The following PXYLP1 variants were observed in gnomAD, a reference collection of about 807,000 sequenced individuals.
PXYLP1 encodes 2-phosphoxylose phosphatase 1, also known as acid phosphatase-like 2.
In PXYLP1, 17 loss-of-function variants were observed where a neutral mutation model predicts 37.9. The ratio of observed to expected loss-of-function variants is 0.45; its 90% CI spans 0.31 to 0.67. The LOEUF (loss-of-function observed/expected upper bound fraction) is 0.67. Ranked by LOEUF, PXYLP1 falls within the 30% of genes least tolerant of loss-of-function variation. The pLI, the probability that PXYLP1 is intolerant of heterozygous loss-of-function variation, is 0.07. For synonymous variants in PXYLP1, 221 were observed against 232.2 expected (o/e 0.95, Z 0.44); for missense variants, 511 against 612.0 (o/e 0.84, Z 1.74).
intron 1 of PXYLP1, chr3:141,258,661 C>T (rs1421289458): frequency 1.2e-5 from 2 of 164,784 alleles, no homozygotes; most frequent in Admixed American, 5.9e-5. Context: ...CCCATACCGT[C>T]ATGCGCGGCT....
chr3:141,287,921 A>G (rs915678246), intron 5 of PXYLP1, among the ~76,000 whole-genome samples: 1 of 152,240 alleles, frequency 6.6e-6, no homozygotes, highest in African/African-American at 2.4e-5. Flanking sequence ...TGGATGGGCA[A>G]TTGATCATTT....
chr3:141,247,057 C>G (rs1940977043), intron 1 of PXYLP1, among the ~76,000 whole-genome samples: 2 of 152,256 alleles, frequency 1.3e-5, no homozygotes, highest in Non-Finnish European at 2.9e-5. Context: ...CAGGCAGCTC[C>G]AAGAGTAACA....
intron 2 of PXYLP1, chr3:141,273,838 A>G: frequency 1.0e-6 from 1 of 985,370 alleles, no homozygotes; most frequent in Non-Finnish European, 1.2e-6. Context: ...CCGTTGGTAC[A>G]GAGTTAATCA....
chr3:141,258,740 T>C (rs1431502216), intron 1 of PXYLP1: 1 of 159,484 alleles, frequency 6.3e-6, no homozygotes, highest in Non-Finnish European at 1.4e-5. Flanking sequence ...ATGTACCTGT[T>C]ACCACATTCA....
chr3:141,258,265 C>T (rs1331964526), intron 1 of PXYLP1, among the ~76,000 whole-genome samples: 1 of 152,126 alleles, frequency 6.6e-6, no homozygotes, highest in Admixed American at 6.5e-5. Context: ...AAGATTTGCA[C>T]CAGAGCTGCA....
chr3:141,273,327 C>G (rs1941714279), intron 2 of PXYLP1: 2 of 985,312 alleles, frequency 2.0e-6, no homozygotes, highest in African/African-American at 3.5e-5. Context: ...CCTTAGGTAA[C>G]TCCCTTGACC....
intron 4 of PXYLP1, among the ~76,000 whole-genome samples, chr3:141,283,677 T>G (rs1360274749): frequency 6.6e-6 from 1 of 152,092 alleles, no homozygotes; most frequent in African/African-American, 2.4e-5. Flanking sequence ...TGGCATGAAC[T>G]TTAAAAATCT....
At chr3:141,267,066 G>A (rs1244117058) in intron 2 of PXYLP1, among the ~76,000 whole-genome samples, 1 of 152,122 alleles carries the variant, frequency 6.6e-6, no homozygotes, top group East Asian at 1.9e-4. Flanking sequence ...CCTGAGATCT[G>A]TAGTATATGG....
chr3:141,271,622 C>G (rs77947787), intron 2 of PXYLP1, among the ~76,000 whole-genome samples: 2,538 of 152,268 alleles, frequency 0.017, 73 homozygotes, highest in East Asian at 0.11. Flanking sequence ...TCCCTGATAC[C>G]CAACTGTAAT....
At chr3:141,261,908 G>A (rs980850248) in intron 2 of PXYLP1, 2 of 152,232 alleles carry the variant, frequency 1.3e-5, no homozygotes, top group Admixed American at 6.5e-5. Flanking sequence ...TGTTGTTGCT[G>A]TCACCTGCCT....
At chr3:141,255,813 A>C (rs773812748) in intron 1 of PXYLP1, among the ~76,000 whole-genome samples, 1 of 152,200 alleles carries the variant, frequency 6.6e-6, no homozygotes, top group African/African-American at 2.4e-5. Flanking sequence ...GAGCTCTGGA[A>C]AACTCAGGCT....
At position 141,283,161 on chromosome 3, in the gene PXYLP1, T is replaced by G. The variant is rs187746458; in HGVS notation, c.365+3657T>G. Reference sequence around the variant, plus strand: ...TTTGTATTTTTTTTTTTTTTTATTTTTTAGTAGAGATGGGGTTTCACCATG... The same window carrying G: ...TTTGTATTTTTTTTTTTTTTTATTTGTTAGTAGAGATGGGGTTTCACCATG... On this transcript the variant is annotated intron_variant, in intron 4 of 5. Coordinates refer to ENST00000286353, the MANE Select transcript of PXYLP1 (RefSeq NM_001037172.3). Among the ~76,000 whole-genome samples, 1,029 of 151,848 alleles carry G rather than the reference T, an allele frequency of 6.8e-3. 10 individuals are homozygous for G. Among genetic ancestry groups the G allele is most frequent in the African/African-American group, 0.023 (952 of 41,352 alleles).
intron 2 of PXYLP1, chr3:141,262,830 A>G: frequency 1.2e-6 from 1 of 812,590 alleles, no homozygotes; most frequent in Non-Finnish European, 2.0e-6. Flanking sequence ...AAGAAACAGC[A>G]CTAATTCATA....
At chr3:141,288,006 G>A (rs1559897290) in intron 5 of PXYLP1, among the ~76,000 whole-genome samples, 1 of 152,220 alleles carries the variant, frequency 6.6e-6, no homozygotes, top group East Asian at 1.9e-4. Flanking sequence ...ATCTCAGGGA[G>A]GAAAATGCAT....
intron 5 of PXYLP1, among the ~76,000 whole-genome samples, chr3:141,287,664 G>A (rs555691591): frequency 3.9e-5 from 6 of 152,228 alleles, no homozygotes; most frequent in East Asian, 1.9e-4. Flanking sequence ...AAAACAATAC[G>A]TGTTCATGAA....
intron 1 of PXYLP1, among the ~76,000 whole-genome samples, chr3:141,250,528 C>T (rs1255578683): frequency 6.6e-6 from 1 of 152,184 alleles, no homozygotes; most frequent in South Asian, 2.1e-4. Context: ...TTCCCAGTGT[C>T]AGTGATTGGT....
At chr3:141,236,262 C>T (rs565794974) in intron 1 of PXYLP1, 5 of 152,342 alleles carry the variant, frequency 3.3e-5, no homozygotes, top group African/African-American at 1.2e-4. Context: ...TTTACACACT[C>T]ATGTTTCAGT....
Position 141,293,067 on chromosome 3 carries a change from C to T in PXYLP1, c.1305C>T (p.Cys435=), listed in dbSNP as rs1434305661. The T allele has an allele frequency of 7.4e-6, 12 of 1,614,088 alleles. No individual in the cohort carries two copies. The highest frequency in any genetic ancestry group is 1.7e-5 in the Admixed American group (1 of 60,006). ...ATGTCACATTCCACACCTCTTTCTGCCAAGACCACCACAAGCGTTCTCCCA... is the reference window on the plus strand; with the variant it reads ...ATGTCACATTCCACACCTCTTTCTGTCAAGACCACCACAAGCGTTCTCCCA... ...GVDVTFHTSF[C]QDHHKRSPKP... The change falls in exon 6 of 6, where the codon TGC becomes TGT. Residue 435 remains cysteine (C), a synonymous_variant. Transcript: ENST00000286353.
At chr3:141,235,251 G>C (rs1940630938) in intron 1 of PXYLP1, 1 of 152,290 alleles carries the variant, frequency 6.6e-6, no homozygotes, top group Non-Finnish European at 1.5e-5. Flanking sequence ...TTGAAAGCCA[G>C]CTGAGACTTG....
Sources: allele counts gnomAD v4.1 joint callset (sites outside exome capture counted in the v4.1 genomes callset), GRCh38; gene constraint gnomAD v4.1.1; transcripts MANE v1.5; gene names NCBI Gene and HGNC (gene_info 2026-07-23, HGNC 2026-07-21).